The following NKIRAS1 variants were observed in gnomAD, a reference collection of about 807,000 sequenced individuals.
NKIRAS1 encodes NFKB inhibitor interacting Ras like 1, also known as NF-kappa-B inhibitor-interacting Ras-like protein 1.
NKIRAS1 carries 16 observed loss-of-function variants against 19.8 expected under a neutral mutation model. That is an observed-to-expected ratio of 0.81 (90% CI 0.55 to 1.23). NKIRAS1 has a LOEUF of 1.23. Among genes scored for constraint, NKIRAS1 ranks in the 50% most tolerant of loss-of-function variants. The pLI, the probability that NKIRAS1 is intolerant of heterozygous loss-of-function variation, is 0.00. For synonymous variants in NKIRAS1, 88 were observed against 79.0 expected, an observed-to-expected ratio of 1.11 and a Z score of -0.61; for missense variants, 184 against 220.0, an observed-to-expected ratio of 0.84 and a Z score of 1.04.
At chr3:23,894,496 TTCA>T in intron 4 of NKIRAS1, among the ~76,000 whole-genome samples, 1 of 152,166 alleles carries the variant, frequency 6.6e-6, no homozygotes, top group Non-Finnish European at 1.5e-5. Flanking sequence ...CCTGTCATTC[TTCA>T]TCACCCAGGG....
chr3:23,918,290 A>G (rs1236061973), upstream of NKIRAS1: 19 of 1,023,276 alleles, frequency 1.9e-5, no homozygotes, highest in Non-Finnish European at 2.4e-5. Flanking sequence ...AGGTGCATTG[A>G]AAAAGACTGG....
In NKIRAS1 at chr3:23,891,110, G is replaced by A. The variant is rs766188277; in HGVS notation, c.*1985C>T. 2.0e-5 allele frequency: 3 copies of A among 152,590 alleles called. No homozygotes were observed. Among genetic ancestry groups the A allele is most frequent in the African/African-American group, 4.8e-5 (2 of 41,428 alleles). The allele number at this position is 152,590 out of a possible 1,614,324, so 9.5% of individuals were successfully genotyped here. A position where few individuals can be genotyped will look rare whatever the true frequency, so the allele number is the denominator to read the frequency against. ...AAACACCATATAAGAGATGAGTAGT[G>A]CGTTTTATTTTATATGCCAATCTAC... is the stretch of plus-strand genomic sequence containing the variant. On this transcript the variant is annotated 3_prime_UTR_variant, in exon 5 of 5. Transcript: ENST00000425478.
In NKIRAS1 at chr3:23,916,901, AGCCGCCGAGACCTC is replaced by A. The variant is rs1436430318; in HGVS notation, c.-271_-258del. The A allele has an allele frequency of 6.5e-6, 1 of 152,740 alleles. No homozygotes were observed. Among genetic ancestry groups the A allele is most frequent in the Non-Finnish European group, 1.5e-5 (1 of 68,100 alleles). 9.5% of individuals were successfully genotyped at this position (152,740 alleles called of 1,614,324 possible). ...GAGAGACAGTCGCCGACGCTCGCTT[AGCCGCCGAGACCTC>A]GCCGCCAACTCTCTCACCTCTCGAG... On this transcript the variant is annotated 5_prime_UTR_variant, in exon 1 of 5. Transcript: ENST00000425478.
chr3:23,911,050 T>C lies in NKIRAS1; in HGVS notation c.-17-129A>G, dbSNP rs536088992. The C allele has an allele frequency of 1.6e-4, 107 of 688,652 alleles. 1 individual carries two copies. In the South Asian group the frequency reaches 1.7e-3, roughly 11 times the overall value. 42.7% of individuals were successfully genotyped at this position (688,652 alleles called of 1,614,324 possible). A position where few individuals can be genotyped will look rare whatever the true frequency, so the allele number is the denominator to read the frequency against. On this transcript the variant is annotated intron_variant, in intron 2 of 4. Transcript: ENST00000425478. ...ATTTTCAAATACAGAAAAGGAGATA[T>C]AGAATAAGGTATAGCCTTCCAAACC... is the stretch of plus-strand genomic sequence containing the variant.
At chr3:23,897,568 A>G (rs1702105470) in intron 4 of NKIRAS1, among the ~76,000 whole-genome samples, 1 of 152,114 alleles carries the variant, frequency 6.6e-6, no homozygotes, top group Non-Finnish European at 1.5e-5. Context: ...CACCTACAAC[A>G]CACCTCCTAG....
intron 4 of NKIRAS1, among the ~76,000 whole-genome samples, chr3:23,894,628 C>CCTCTGCATCCTCCAT (rs1185626540): frequency 1.3e-5 from 2 of 151,898 alleles, no homozygotes. Flanking sequence ...GCATCCTCCA[C>CCTCTGCATCCTCCAT]CTCTGCGTCC....
chr3:23,918,901 A>T (rs1430985647), upstream of NKIRAS1: 2 of 519,222 alleles, frequency 3.9e-6, no homozygotes, highest in East Asian at 6.4e-5. Context: ...TTGTATGGAA[A>T]AAGATAAGGT....
At chr3:23,895,120 T>C (rs912351135) in intron 4 of NKIRAS1, among the ~76,000 whole-genome samples, 1 of 152,154 alleles carries the variant, frequency 6.6e-6, no homozygotes, top group Non-Finnish European at 1.5e-5. Flanking sequence ...TCATAGCTGG[T>C]TGCAGCCTTG....
rs558029591 is a variant in NKIRAS1 at position 23,945,534 on chromosome 3, C to G, written c.-140+789G>C. 7.1e-3 allele frequency: 8,026 copies of G among 1,127,710 alleles called. 32 individuals carry two copies. Among genetic ancestry groups the G allele is most frequent in the Non-Finnish European group, 8.0e-3 (7,348 of 913,758 alleles). The allele number at this position is 1,127,710 out of a possible 1,614,324, so 69.9% of individuals were successfully genotyped here. On this transcript the variant is annotated intron_variant, in intron 1 of 4. Transcript: ENST00000421515. ...TGAGGCGGCGGCGGCGGCGCTGCCCCCTCTGCGGGAAGCGGGCGGCCCCGG... is the reference window on the plus strand; with the variant it reads ...TGAGGCGGCGGCGGCGGCGCTGCCCGCTCTGCGGGAAGCGGGCGGCCCCGG...
upstream of NKIRAS1, chr3:23,918,088 A>T: frequency 6.4e-7 from 1 of 1,565,570 alleles, no homozygotes; most frequent in East Asian, 2.3e-5. Context: ...AAAGTTGGAA[A>T]CCAGCTGTTA....
chr3:23,894,344 A>T (rs962510494), intron 4 of NKIRAS1, among the ~76,000 whole-genome samples: 1 of 152,166 alleles, frequency 6.6e-6, no homozygotes, highest in Admixed American at 6.5e-5. Flanking sequence ...TCTTGGAACC[A>T]CTACTGTCTT....
chr3:23,939,065 A>G (rs185305275), intron 1 of NKIRAS1, among the ~76,000 whole-genome samples: 180 of 152,356 alleles, frequency 1.2e-3, no homozygotes, highest in African/African-American at 3.8e-3. Context: ...CATCATAGAT[A>G]ACAAAATAAT....
upstream of NKIRAS1, among the ~76,000 whole-genome samples, chr3:23,921,217 C>T (rs868349011): frequency 1.3e-5 from 2 of 152,174 alleles, no homozygotes; most frequent in South Asian, 2.1e-4. Context: ...ACAAGAAAAC[C>T]TTGTTCCTGT....
chr3:23,896,432 T>C (rs868220227), intron 4 of NKIRAS1, among the ~76,000 whole-genome samples: 1 of 151,614 alleles, frequency 6.6e-6, no homozygotes, highest in African/African-American at 2.4e-5. Flanking sequence ...CTGTCCAACA[T>C]GGTGAAACCC....
intron 1 of NKIRAS1, among the ~76,000 whole-genome samples, chr3:23,943,496 G>C (rs1452581652): frequency 4.6e-5 from 7 of 152,234 alleles, no homozygotes; most frequent in Non-Finnish European, 8.8e-5. Flanking sequence ...CTCCCAAAGT[G>C]CTGGGATTAC....
intron 1 of NKIRAS1, among the ~76,000 whole-genome samples, chr3:23,913,343 G>T (rs959149420): frequency 1.3e-5 from 2 of 152,074 alleles, no homozygotes; most frequent in Non-Finnish European, 2.9e-5. Context: ...TGACAGAACA[G>T]ACCTCATTAA....
intron 4 of NKIRAS1, among the ~76,000 whole-genome samples, chr3:23,894,160 C>T (rs1336136030): frequency 1.3e-5 from 2 of 152,160 alleles, no homozygotes; most frequent in African/African-American, 4.8e-5. Flanking sequence ...GCTTACTATA[C>T]ACCAGACACT....
intron 1 of NKIRAS1, among the ~76,000 whole-genome samples, chr3:23,942,852 A>T (rs1705531635): frequency 6.6e-6 from 1 of 152,010 alleles, no homozygotes; most frequent in African/African-American, 2.4e-5. Flanking sequence ...AGATCAAGAG[A>T]TGCTCCTGCA....
intron 1 of NKIRAS1, chr3:23,923,512 C>G (rs1013396369): frequency 6.6e-6 from 1 of 152,142 alleles, no homozygotes; most frequent in African/African-American, 2.4e-5. Context: ...AGCAACCGTG[C>G]CCGGCTGGAA....
Sources: allele counts gnomAD v4.1 joint callset (sites outside exome capture counted in the v4.1 genomes callset), GRCh38; gene constraint gnomAD v4.1.1; transcripts MANE v1.5; gene names NCBI Gene and HGNC (gene_info 2026-07-23, HGNC 2026-07-21).